GALNT13: variants seen among roughly 807,000 people sequenced by gnomAD.
GALNT13 encodes the protein UDP-GalNAc:polypeptide N-acetylgalactosaminyltransferase 13.
In GALNT13, 28 loss-of-function variants were observed where a neutral mutation model predicts 64.2. The ratio of observed to expected loss-of-function variants is 0.44; its 90% CI spans 0.32 to 0.60. The LOEUF (loss-of-function observed/expected upper bound fraction) is 0.60, where lower values mean the gene tolerates loss of function less well. GALNT13 is among the 20% of genes least tolerant of loss of function. The pLI is 0.05. For missense variants in GALNT13, 577 were observed against 669.8 expected (o/e 0.86, Z 1.53); for synonymous variants, 214 against 224.6 (o/e 0.95, Z 0.42).
chr2:154,311,902 C>T (rs1252526324), intron 9 of GALNT13, among the ~76,000 whole-genome samples: 3 of 152,124 alleles, frequency 2.0e-5, no homozygotes, highest in African/African-American at 7.2e-5. Flanking sequence ...CCGGGCTCAC[C>T]AGGCGGTCAG....
chr2:153,108,869 ATGTGC>A, the GALNT13 span, among the ~76,000 whole-genome samples: 2 of 152,122 alleles, frequency 1.3e-5, no homozygotes, highest in Non-Finnish European at 2.9e-5. Flanking sequence ...ATTTCTAACC[ATGTGC>A]TGATATAAAG....
At chr2:153,930,208 A>C (rs1465468027) in intron 2 of GALNT13, among the ~76,000 whole-genome samples, 1 of 151,952 alleles carries the variant, frequency 6.6e-6, no homozygotes, top group Non-Finnish European at 1.5e-5. Context: ...TTGCTTGTTT[A>C]TTTAAGTTCC....
intron 12 of GALNT13, 134 bp downstream of exon 12, chr2:154,438,860 T>C (rs1701132588): frequency 1.5e-6 from 1 of 680,898 alleles, no homozygotes. Flanking sequence ...CAGGCTCATA[T>C]CCGGTAATAT....
chr2:153,976,819 G>A (rs1486389528), intron 3 of GALNT13, among the ~76,000 whole-genome samples: 1 of 151,942 alleles, frequency 6.6e-6, no homozygotes, highest in Non-Finnish European at 1.5e-5. Flanking sequence ...GCATATTTTT[G>A]TAACAATTGG....
the GALNT13 span, among the ~76,000 whole-genome samples, chr2:153,711,260 A>C: frequency 6.6e-6 from 1 of 152,170 alleles, no homozygotes; most frequent in Non-Finnish European, 1.5e-5. Context: ...TAACATGCAT[A>C]GTATATATGG....
chr2:153,518,115 A>T, the GALNT13 span, among the ~76,000 whole-genome samples: 1 of 152,056 alleles, frequency 6.6e-6, no homozygotes, highest in Non-Finnish European at 1.5e-5. Flanking sequence ...TCAACTCCAG[A>T]CCCCTGTCCA....
the GALNT13 span, among the ~76,000 whole-genome samples, chr2:153,298,830 TC>T: frequency 6.6e-6 from 1 of 152,150 alleles, no homozygotes; most frequent in African/African-American, 2.4e-5. Flanking sequence ...AGTTGGGAGC[TC>T]CCCTGATATT....
At chr2:153,710,017 C>T in the GALNT13 span, among the ~76,000 whole-genome samples, 1 of 151,950 alleles carries the variant, frequency 6.6e-6, no homozygotes, top group Non-Finnish European at 1.5e-5. Flanking sequence ...TCATAGGGTA[C>T]AAAGCCTCAG....
At chr2:153,143,972 C>G in the GALNT13 span, among the ~76,000 whole-genome samples, 1 of 151,984 alleles carries the variant, frequency 6.6e-6, no homozygotes, top group Non-Finnish European at 1.5e-5. Flanking sequence ...CATTCATTGT[C>G]TAAGCACTGG....
the GALNT13 span, among the ~76,000 whole-genome samples, chr2:153,618,770 T>TAAAGACAAA: frequency 6.6e-6 from 1 of 152,030 alleles, no homozygotes; most frequent in Non-Finnish European, 1.5e-5. Flanking sequence ...TATTGTATAA[T>TAAAGACAAA]GACCTTCTTT....
chr2:153,654,046 G>A, the GALNT13 span, among the ~76,000 whole-genome samples: 1 of 151,982 alleles, frequency 6.6e-6, no homozygotes, highest in Admixed American at 6.6e-5. Context: ...GCACCCTCCT[G>A]ATAAGATGCA....
intron 3 of GALNT13, among the ~76,000 whole-genome samples, chr2:154,049,446 G>GATATAT (rs35501666): frequency 1.4e-5 from 2 of 145,280 alleles, no homozygotes; most frequent in African/African-American, 5.0e-5. Flanking sequence ...TATTCATTGT[G>GATATAT]ATATATATAT....
intron 9 of GALNT13, among the ~76,000 whole-genome samples, chr2:154,341,387 G>A (rs1488279306): frequency 6.6e-6 from 1 of 152,092 alleles, no homozygotes; most frequent in African/African-American, 2.4e-5. Context: ...GTGATAATGT[G>A]ATGGAAAAAA....
At chr2:153,515,428 A>G in the GALNT13 span, among the ~76,000 whole-genome samples, 1 of 152,170 alleles carries the variant, frequency 6.6e-6, no homozygotes, top group African/African-American at 2.4e-5. Context: ...CGAAATTCCT[A>G]GAATATGTTT....
the GALNT13 span, among the ~76,000 whole-genome samples, chr2:153,566,348 G>GTTTTTTTTTTTTTTTTTT: frequency 8.0e-4 from 60 of 74,790 alleles, 6 homozygotes; most frequent in East Asian, 4.7e-3. Flanking sequence ...TTCTAATCAC[G>GTTTTTTTTTTTTTTTTTT]TTTTTTTTTT....
chr2:153,656,981 T>C, the GALNT13 span, among the ~76,000 whole-genome samples: 3 of 152,070 alleles, frequency 2.0e-5, no homozygotes, highest in Non-Finnish European at 4.4e-5. Flanking sequence ...GGCAGGATCC[T>C]AGATCTTCAG....
chr2:153,622,489 G>T, the GALNT13 span, among the ~76,000 whole-genome samples: 1 of 152,134 alleles, frequency 6.6e-6, no homozygotes, highest in Non-Finnish European at 1.5e-5. Context: ...CCCTCTGGAG[G>T]TTGAGGTAAG....
At chr2:153,391,896 C>G in the GALNT13 span, among the ~76,000 whole-genome samples, 3 of 150,874 alleles carry the variant, frequency 2.0e-5, no homozygotes, top group African/African-American at 7.3e-5. Context: ...TGCCGTCCAA[C>G]TAAATGGAAA....
chr2:153,334,853 C>T, the GALNT13 span, among the ~76,000 whole-genome samples: 1 of 152,064 alleles, frequency 6.6e-6, no homozygotes, highest in Non-Finnish European at 1.5e-5. Flanking sequence ...GTTAAGCTTG[C>T]TCTGAGCATG....
Sources: gnomAD v4.1 joint callset for allele counts (sites outside exome capture counted in the v4.1 genomes callset) on GRCh38, gnomAD v4.1.1 for gene constraint, MANE v1.5 for transcripts, NCBI Gene and HGNC (gene_info 2026-07-23, HGNC 2026-07-21) for gene names.